Variants in RAD52 observed in about 807,000 individuals in gnomAD.
RAD52 encodes the protein DNA repair protein RAD52 homolog.
RAD52 carries 47 observed loss-of-function variants against 55.5 expected under a neutral mutation model. The observed-to-expected ratio is 0.85, with a 90% CI of 0.67 to 1.08. RAD52 has a LOEUF of 1.08. Among genes scored for constraint, RAD52 ranks in the 50% least tolerant of loss-of-function variants. The pLI is 0.00. For synonymous variants in RAD52, 184 were observed against 198.9 expected (o/e 0.92, Z 0.63); for missense variants, 468 against 522.8 (o/e 0.90, Z 1.02).
At chr12:949,455 G>A (rs988450894) in intron 1 of RAD52, 147 bp downstream of exon 1, 2 of 152,374 alleles carry the variant, frequency 1.3e-5, no homozygotes, top group Non-Finnish European at 1.5e-5. Flanking sequence ...AACTAGAACA[G>A]GCCTCTGGAC....
chr12:921,007 C>G (rs946949893), intron 7 of RAD52, among the ~76,000 whole-genome samples: 1 of 152,076 alleles, frequency 6.6e-6, no homozygotes, highest in Non-Finnish European at 1.5e-5. Flanking sequence ...GGAAAATCCA[C>G]AAATCAGTAG....
At chr12:924,496 A>G (rs1276585514) in intron 7 of RAD52, among the ~76,000 whole-genome samples, 1 of 152,224 alleles carries the variant, frequency 6.6e-6, no homozygotes, top group Non-Finnish European at 1.5e-5. Flanking sequence ...ACAGATGCCC[A>G]GTGACACACA....
intron 1 of RAD52, among the ~76,000 whole-genome samples, chr12:939,052 T>TTGTGTGTGTGTGTG (rs1555176185): frequency 3.8e-4 from 54 of 141,140 alleles, no homozygotes; most frequent in African/African-American, 1.3e-3. Flanking sequence ...ATTCAACTAA[T>TTGTGTGTGTGTGTG]TGTGTGTGTG....
At chr12:935,938 C>T (rs1345636975) in intron 1 of RAD52, among the ~76,000 whole-genome samples, 4 of 149,730 alleles carry the variant, frequency 2.7e-5, no homozygotes, top group Admixed American at 6.7e-5. Context: ...AGCCTGATCT[C>T]GAACTCCTGA....
At chr12:928,143 A>C (rs573110406) in intron 5 of RAD52, among the ~76,000 whole-genome samples, 1 of 152,290 alleles carries the variant, frequency 6.6e-6, no homozygotes, top group East Asian at 1.9e-4. Context: ...TCAGCTACTC[A>C]CTCATAGATA....
In RAD52 at chr12:934,521, G is replaced by A. The variant is rs1395863192; in HGVS notation, c.-18-1445C>T. On this transcript the variant is annotated intron_variant, in intron 1 of 11. Transcript: ENST00000358495. ...TGAAAACAAATGAATTTCATGTTTA[G>A]ACTTGGGTCCCCTTCCCAAGATATC... Among the ~76,000 whole-genome samples, 3 of 151,094 alleles carry A rather than the reference G, an allele frequency of 2.0e-5. No individual in the cohort carries two copies. In the East Asian group the frequency reaches 5.8e-4, roughly 29 times the overall value.
intron 1 of RAD52, among the ~76,000 whole-genome samples, chr12:965,479 G>A (rs1476586671): frequency 6.6e-6 from 1 of 151,856 alleles, no homozygotes; most frequent in Non-Finnish European, 1.5e-5. Context: ...AATGTTGCCC[G>A]CCAAATCTCA....
intron 1 of RAD52, among the ~76,000 whole-genome samples, chr12:957,668 T>C (rs55791720): frequency 0.44 from 67,314 of 151,582 alleles, 15,607 homozygotes; most frequent in Non-Finnish European, 0.52. Context: ...CACACACCTG[T>C]GGTCCCAGCT....
chr12:929,743 C>T (rs779535889), intron 5 of RAD52, 76 bp downstream of exon 5: 4 of 1,410,472 alleles, frequency 2.8e-6, no homozygotes, highest in Non-Finnish European at 3.0e-6. Context: ...CGTCCAGCTA[C>T]CTACTTCCCT....
At chr12:946,924 C>A (rs1958258576) in intron 1 of RAD52, among the ~76,000 whole-genome samples, 1 of 152,222 alleles carries the variant, frequency 6.6e-6, no homozygotes, top group African/African-American at 2.4e-5. Context: ...CAACAGCAAT[C>A]TCTGACGGTT....
intron 1 of RAD52, among the ~76,000 whole-genome samples, chr12:963,916 C>G (rs1958721745): frequency 6.6e-6 from 1 of 151,966 alleles, no homozygotes; most frequent in South Asian, 2.1e-4. Context: ...TTAGGGAAGG[C>G]CTCTCTGATC....
intron 1 of RAD52, among the ~76,000 whole-genome samples, chr12:940,058 G>C (rs1957840798): frequency 6.6e-6 from 1 of 151,078 alleles, no homozygotes; most frequent in South Asian, 2.1e-4. Flanking sequence ...CTGGGTGACA[G>C]AATGAGACTC....
At chr12:946,116 C>T (rs548709259) in intron 1 of RAD52, among the ~76,000 whole-genome samples, 245 of 152,186 alleles carry the variant, frequency 1.6e-3, no homozygotes, top group Non-Finnish European at 2.9e-3. Flanking sequence ...TAGAGAACTG[C>T]GGGGCCATAC....
chr12:915,878 C>T (rs567508420), intron 9 of RAD52, among the ~76,000 whole-genome samples: 1 of 152,232 alleles, frequency 6.6e-6, no homozygotes, highest in Non-Finnish European at 1.5e-5. Flanking sequence ...CCACACCTGG[C>T]TAATTTTTAT....
chr12:932,381 G>A (rs1033646086), intron 2 of RAD52, among the ~76,000 whole-genome samples: 2 of 152,100 alleles, frequency 1.3e-5, no homozygotes, highest in African/African-American at 4.8e-5. Context: ...TGTTATCCCA[G>A]CTACTTGGGA....
intron 1 of RAD52, 27 bp from the exon 2 acceptor site, chr12:933,103 A>C (rs763089012): frequency 1.4e-5 from 21 of 1,498,308 alleles, no homozygotes; most frequent in East Asian, 4.5e-5. Flanking sequence ...CGGAAAAAAA[A>C]AACAACCCTC....
At chr12:981,532 T>G (rs1329081867) in intron 1 of RAD52, among the ~76,000 whole-genome samples, 1 of 152,024 alleles carries the variant, frequency 6.6e-6, no homozygotes, top group East Asian at 1.9e-4. Context: ...ACATTCCCAT[T>G]CCAAAGGCAA....
exon 1 of RAD52, chr12:990,038 GA>G (rs1403056808): frequency 6.6e-6 from 1 of 152,240 alleles, no homozygotes; most frequent in Non-Finnish European, 1.5e-5. Context: ...AGTGCATGTC[GA>G]TCCTGGGAGG....
intron 1 of RAD52, among the ~76,000 whole-genome samples, chr12:967,330 G>C (rs1471984047): frequency 6.7e-6 from 1 of 149,020 alleles, no homozygotes; most frequent in East Asian, 2.0e-4. Flanking sequence ...AGTGAGCTGA[G>C]ATTGTACCAC....
Sources: gnomAD v4.1 joint callset for allele counts (sites outside exome capture counted in the v4.1 genomes callset) on GRCh38, gnomAD v4.1.1 for gene constraint, MANE v1.5 for transcripts, NCBI Gene and HGNC (gene_info 2026-07-23, HGNC 2026-07-21) for gene names.